MCTP1: variants seen among roughly 807,000 people sequenced by gnomAD.
MCTP1 encodes multiple C2 and transmembrane domain-containing protein 1.
MCTP1 carries 69 observed loss-of-function variants against 120.6 expected under a neutral mutation model. The observed-to-expected ratio is 0.57, with a 90% CI of 0.47 to 0.70. The LOEUF (loss-of-function observed/expected upper bound fraction) is 0.70, where lower values mean the gene tolerates loss of function less well. Among genes scored for constraint, MCTP1 ranks in the 30% least tolerant of loss-of-function variants. The probability of loss-of-function intolerance (pLI) is 0.00; values close to 1 mark genes in which losing one functional copy is unlikely to be tolerated. For synonymous variants in MCTP1, 529 were observed against 493.1 expected (o/e 1.07, Z -0.96); for missense variants, 1,203 against 1,248.8 (o/e 0.96, Z 0.55).
At position 94,918,556 on chromosome 5, in the gene MCTP1, C is replaced by A. The variant is rs192779425; in HGVS notation, c.1273-583G>T. Among the ~76,000 whole-genome samples, 275 of 152,152 alleles carry A rather than the reference C, an allele frequency of 1.8e-3. 1 individual carries two copies. The highest frequency in any genetic ancestry group is 0.01 in the Middle Eastern group (3 of 294). ...CCCAAAGATCCCTTCACTACCAAGACCAAGAGTAGCAAGAGATGGATTAAG... is the reference window on the plus strand; with the variant it reads ...CCCAAAGATCCCTTCACTACCAAGAACAAGAGTAGCAAGAGATGGATTAAG... On this transcript the variant is annotated intron_variant, in intron 7 of 22. Transcript: ENST00000515393.
rs569454735 is a variant in MCTP1, at chr5:94,705,061, G to A, written c.*2435C>T. The A allele has an allele frequency of 6.6e-6, 1 of 151,434 alleles. No individual in the cohort carries two copies. Among genetic ancestry groups the A allele is most frequent in the East Asian group, 2.0e-4 (1 of 5,088 alleles). The allele number at this position is 151,434 out of a possible 1,614,324, so 9.4% of individuals were successfully genotyped here. On this transcript the variant is annotated 3_prime_UTR_variant, in exon 23 of 23. Transcript: ENST00000515393. Reference sequence around the variant, plus strand: ...AATTTACTCACTAAAAGATACTAAAGGAATATATTTAGTAGTTCACAATAT... The same window carrying A: ...AATTTACTCACTAAAAGATACTAAAAGAATATATTTAGTAGTTCACAATAT...
chr5:95,034,860 T>TA (rs1840963165), intron 1 of MCTP1, among the ~76,000 whole-genome samples: 1 of 151,540 alleles, frequency 6.6e-6, no homozygotes, highest in Non-Finnish European at 1.5e-5. Flanking sequence ...TAAGGAACTT[T>TA]AAAAAATCAA....
chr5:95,224,204 A>G (rs1754004150), intron 1 of MCTP1, among the ~76,000 whole-genome samples: 1 of 152,188 alleles, frequency 6.6e-6, no homozygotes, highest in South Asian at 2.1e-4. Flanking sequence ...GAAGGGAGGT[A>G]GCCATCACTG....
At chr5:94,752,113 AT>A (rs1768551584) in intron 19 of MCTP1, among the ~76,000 whole-genome samples, 3 of 31,678 alleles carry the variant, frequency 9.5e-5, no homozygotes, top group Non-Finnish European at 1.5e-4. Flanking sequence ...AATAAAATAT[AT>A]ATATATATAT....
intron 1 of MCTP1, among the ~76,000 whole-genome samples, chr5:95,048,425 T>C (rs1745098412): frequency 6.6e-6 from 1 of 152,200 alleles, no homozygotes; most frequent in African/African-American, 2.4e-5. Flanking sequence ...GTTGTCCTGC[T>C]GAGAATACAA....
chr5:94,837,311 A>G (rs917906886), intron 17 of MCTP1, among the ~76,000 whole-genome samples: 10 of 152,182 alleles, frequency 6.6e-5, no homozygotes, highest in Admixed American at 2.0e-4. Context: ...AGCCCAGGAG[A>G]TTGAAACTGC....
intron 1 of MCTP1, among the ~76,000 whole-genome samples, chr5:95,160,329 T>C (rs1235981566): frequency 6.6e-6 from 1 of 152,168 alleles, no homozygotes; most frequent in Non-Finnish European, 1.5e-5. Context: ...GTCCAGGTGA[T>C]AAACAGATTA....
At chr5:95,133,587 G>A (rs971898773) in intron 1 of MCTP1, among the ~76,000 whole-genome samples, 1 of 152,246 alleles carries the variant, frequency 6.6e-6, no homozygotes, top group African/African-American at 2.4e-5. Context: ...CCTGGGAGGT[G>A]AAGGTTGCAG....
chr5:95,116,196 AATAAGAAATC>A (rs1316598295), intron 1 of MCTP1, among the ~76,000 whole-genome samples: 2 of 152,222 alleles, frequency 1.3e-5, no homozygotes, highest in Non-Finnish European at 2.9e-5. Flanking sequence ...ATAAAAAAGC[AATAAGAAATC>A]ATCTGAAGCT....
intron 1 of MCTP1, among the ~76,000 whole-genome samples, chr5:95,094,207 C>T (rs1006153219): frequency 5.3e-5 from 8 of 152,160 alleles, no homozygotes; most frequent in Admixed American, 2.0e-4. Flanking sequence ...CTTTTTAATG[C>T]TTTCCTTTCC....
At chr5:95,067,403 G>A (rs1750950674) in intron 1 of MCTP1, among the ~76,000 whole-genome samples, 1 of 152,074 alleles carries the variant, frequency 6.6e-6, no homozygotes, top group African/African-American at 2.4e-5. Flanking sequence ...TCACGTAAAT[G>A]TGTGTAATGA....
intron 19 of MCTP1, among the ~76,000 whole-genome samples, chr5:94,769,518 C>T (rs942336666): frequency 1.3e-5 from 2 of 152,054 alleles, no homozygotes; most frequent in African/African-American, 4.8e-5. Context: ...CCAGTAACCC[C>T]ATGAGGTTTT....
chr5:95,002,667 C>G (rs113407769), intron 2 of MCTP1, among the ~76,000 whole-genome samples: 2 of 152,264 alleles, frequency 1.3e-5, no homozygotes, highest in African/African-American at 4.8e-5. Flanking sequence ...GCCTGTAACC[C>G]CATTGTATCT....
At chr5:94,775,058 G>T (rs1413063362) in intron 19 of MCTP1, among the ~76,000 whole-genome samples, 1 of 152,110 alleles carries the variant, frequency 6.6e-6, no homozygotes, top group Non-Finnish European at 1.5e-5. Flanking sequence ...TTAAAGCAAA[G>T]AATCTGTTTA....
chr5:94,923,803 A>C (rs1226397961), intron 7 of MCTP1, among the ~76,000 whole-genome samples, 159 bp downstream of exon 7: 1 of 152,182 alleles, frequency 6.6e-6, no homozygotes, highest in Non-Finnish European at 1.5e-5. Context: ...AATAAAAGTG[A>C]GTTACCTAGA....
chr5:95,228,797 C>T (rs912556815), intron 1 of MCTP1, among the ~76,000 whole-genome samples: 2 of 152,104 alleles, frequency 1.3e-5, no homozygotes, highest in Non-Finnish European at 2.9e-5. Context: ...GTAGCACCTC[C>T]CCGCAACTCT....
At chr5:95,060,940 CAAAAAA>C (rs34418928) in intron 1 of MCTP1, among the ~76,000 whole-genome samples, 8 of 117,020 alleles carry the variant, frequency 6.8e-5, no homozygotes, top group African/African-American at 2.6e-4. Flanking sequence ...TGCCACTCCA[CAAAAAA>C]AAAAAAAAGA....
chr5:95,182,501 A>AT (rs1435370698), intron 1 of MCTP1, among the ~76,000 whole-genome samples: 3 of 152,102 alleles, frequency 2.0e-5, no homozygotes, highest in Admixed American at 2.0e-4. Flanking sequence ...TGGTTGTACT[A>AT]TTTTTTCATT....
chr5:94,742,169 A>C (rs1765671805), intron 19 of MCTP1, among the ~76,000 whole-genome samples: 1 of 152,204 alleles, frequency 6.6e-6, no homozygotes, highest in African/African-American at 2.4e-5. Flanking sequence ...ACTATAGCCC[A>C]ATAGCAGAAA....
Sources: allele counts gnomAD v4.1 joint callset (sites outside exome capture counted in the v4.1 genomes callset), GRCh38; gene constraint gnomAD v4.1.1; transcripts MANE v1.5; gene names NCBI Gene and HGNC (gene_info 2026-07-23, HGNC 2026-07-21).